SMARCC1: variants seen among roughly 807,000 people sequenced by gnomAD.
SMARCC1 encodes SWI/SNF related BAF chromatin remodeling complex subunit C1, also known as SWI/SNF complex subunit SMARCC1.
A neutral mutation model predicts 147.4 loss-of-function variants in SMARCC1; 43 were observed. The observed-to-expected ratio is 0.29, with a 90% CI of 0.23 to 0.38. The LOEUF is 0.38. Among genes scored for constraint, SMARCC1 ranks in the 10% least tolerant of loss-of-function variants. The probability of loss-of-function intolerance (pLI) is 1.00; values close to 1 mark genes in which losing one functional copy is unlikely to be tolerated. For missense variants in SMARCC1, 1,119 were observed against 1,381.1 expected, an observed-to-expected ratio of 0.81 and a Z score of 3.01; for synonymous variants, 495 against 484.4, an observed-to-expected ratio of 1.02 and a Z score of -0.29.
intron 4 of SMARCC1, among the ~76,000 whole-genome samples, chr3:47,736,387 T>C (rs1201991555): frequency 6.6e-6 from 1 of 152,076 alleles, no homozygotes; most frequent in African/African-American, 2.4e-5. Flanking sequence ...CAGTTAATCT[T>C]AAAAATAGCA....
intron 1 of SMARCC1, among the ~76,000 whole-genome samples, chr3:47,774,807 A>G (rs1237073870): frequency 6.6e-6 from 1 of 151,776 alleles, no homozygotes; most frequent in African/African-American, 2.4e-5. Context: ...TTGAAGGACC[A>G]TATACTTTTT....
At chr3:47,654,084 C>G (rs2033227278) in intron 21 of SMARCC1, among the ~76,000 whole-genome samples, 1 of 152,224 alleles carries the variant, frequency 6.6e-6, no homozygotes, top group African/African-American at 2.4e-5. Context: ...CACTAATGCT[C>G]TATGGTATCG....
chr3:47,617,083 T>C (rs1348910025), intron 25 of SMARCC1, among the ~76,000 whole-genome samples: 1 of 152,320 alleles, frequency 6.6e-6, no homozygotes, highest in Non-Finnish European at 1.5e-5. Context: ...GCTGCATATA[T>C]ATCTGAGTCC....
intron 26 of SMARCC1, among the ~76,000 whole-genome samples, chr3:47,591,331 T>G (rs1202113567): frequency 6.6e-6 from 1 of 151,672 alleles, no homozygotes; most frequent in African/African-American, 2.4e-5. Flanking sequence ...AAATCACCAT[T>G]AAAAGGGGAT....
chr3:47,695,819 C>A (rs1481300144), intron 11 of SMARCC1, among the ~76,000 whole-genome samples: 2 of 140,522 alleles, frequency 1.4e-5, no homozygotes, highest in Non-Finnish European at 3.0e-5. Flanking sequence ...GTAATCCCAG[C>A]ACTTTAGGCA....
At chr3:47,720,644 T>C in intron 7 of SMARCC1, 22 bp downstream of exon 7, 1 of 1,484,694 alleles carries the variant, frequency 6.7e-7, no homozygotes, top group Non-Finnish European at 9.3e-7. Context: ...TTATACCAGG[T>C]CTCACAGCAT....
chr3:47,696,173 C>G (rs1230356233), intron 11 of SMARCC1, among the ~76,000 whole-genome samples: 7 of 151,410 alleles, frequency 4.6e-5, no homozygotes, highest in Non-Finnish European at 1.0e-4. Flanking sequence ...AAGTTCGGGA[C>G]CAGCCTGGCC....
intron 26 of SMARCC1, among the ~76,000 whole-genome samples, chr3:47,605,764 C>G (rs535098621): frequency 9.9e-5 from 15 of 152,178 alleles, no homozygotes; most frequent in African/African-American, 3.6e-4. Context: ...CAGAGTAAGG[C>G]CCTGTCTGTC....
intron 22 of SMARCC1, among the ~76,000 whole-genome samples, chr3:47,636,338 T>C (rs2032968622): frequency 6.6e-6 from 1 of 152,242 alleles, no homozygotes; most frequent in Non-Finnish European, 1.5e-5. Context: ...ACTTGAGTGC[T>C]CACAAGATGT....
At chr3:47,622,153 A>G (rs570787075) in intron 25 of SMARCC1, 54 bp downstream of exon 25, 2 of 1,523,256 alleles carry the variant, frequency 1.3e-6, no homozygotes, top group Admixed American at 2.0e-5. Context: ...TGTTTTGTGA[A>G]AAGTGACCAA....
chr3:47,611,198 A>C (rs917944245), intron 25 of SMARCC1, among the ~76,000 whole-genome samples: 2 of 152,228 alleles, frequency 1.3e-5, no homozygotes, highest in Admixed American at 6.5e-5. Flanking sequence ...TAAAAATCAT[A>C]AGCATAAGGA....
At chr3:47,596,573 A>T (rs2032285786) in intron 26 of SMARCC1, among the ~76,000 whole-genome samples, 1 of 151,506 alleles carries the variant, frequency 6.6e-6, no homozygotes, top group African/African-American at 2.4e-5. Flanking sequence ...TCTCAAAAAA[A>T]AAAAAATAAA....
At chr3:47,722,547 C>T (rs1398093495) in intron 6 of SMARCC1, among the ~76,000 whole-genome samples, 2 of 152,000 alleles carry the variant, frequency 1.3e-5, no homozygotes, top group African/African-American at 2.4e-5. Context: ...TCTACCACCT[C>T]GGCCTCCCAA....
At chr3:47,610,463 T>C in intron 25 of SMARCC1, 136 bp from the exon 26 acceptor site, 1 of 850,876 alleles carries the variant, frequency 1.2e-6, no homozygotes, top group Non-Finnish European at 1.9e-6. Flanking sequence ...TCCTGCACCT[T>C]CTACAGTGAG....
intron 5 of SMARCC1, 57 bp downstream of exon 5, chr3:47,735,977 C>T (rs62262133): frequency 0.026 from 19,568 of 761,416 alleles, 325 homozygotes; most frequent in Non-Finnish European, 0.033. Context: ...TAGAGGCTTA[C>T]AACTACAAAA....
At chr3:47,719,747 T>C (rs1202874395) in intron 7 of SMARCC1, among the ~76,000 whole-genome samples, 2 of 152,014 alleles carry the variant, frequency 1.3e-5, no homozygotes, top group Non-Finnish European at 2.9e-5. Flanking sequence ...AAATTATTTA[T>C]TTTTTGAAGA....
intron 25 of SMARCC1, 73 bp from the exon 26 acceptor site, chr3:47,610,400 T>C: frequency 6.6e-7 from 1 of 1,513,872 alleles, no homozygotes; most frequent in Non-Finnish European, 9.1e-7. Context: ...AAAGGACAAC[T>C]ACATAATGCC....
At chr3:47,692,357 T>C (rs1038990225) in intron 12 of SMARCC1, among the ~76,000 whole-genome samples, 6 of 152,230 alleles carry the variant, frequency 3.9e-5, no homozygotes, top group African/African-American at 1.4e-4. Context: ...GAAAGGATGA[T>C]GTCATTCTCA....
intron 21 of SMARCC1, among the ~76,000 whole-genome samples, chr3:47,640,995 C>T (rs369337138): frequency 6.6e-6 from 1 of 152,160 alleles, no homozygotes; most frequent in Non-Finnish European, 1.5e-5. Flanking sequence ...CCATTATAAG[C>T]TCCTGGAAAA....
Sources: gnomAD v4.1 joint callset for allele counts (sites outside exome capture counted in the v4.1 genomes callset) on GRCh38, gnomAD v4.1.1 for gene constraint, MANE v1.5 for transcripts, NCBI Gene and HGNC (gene_info 2026-07-23, HGNC 2026-07-21) for gene names.